The following LMBRD1 variants were observed in gnomAD, a reference collection of about 807,000 sequenced individuals.
The protein encoded by LMBRD1 is lysosomal cobalamin transport escort protein LMBD1.
In LMBRD1, 64 loss-of-function variants were observed where a neutral mutation model predicts 74.8. That is an observed-to-expected ratio of 0.86 (90% CI 0.70 to 1.05). The LOEUF is 1.05. Ranked by LOEUF, LMBRD1 falls within the 50% of genes least tolerant of loss-of-function variation. The pLI is 0.00. For synonymous variants in LMBRD1, 204 were observed against 216.3 expected (o/e 0.94, Z 0.50); for missense variants, 652 against 645.9 (o/e 1.01, Z -0.10).
Position 69,737,975 on chromosome 6 carries a change from G to A in LMBRD1, c.603C>T (p.Thr201=). 1 of 1,611,020 alleles carries A rather than the reference G, an allele frequency of 6.2e-7. No individual in the cohort carries two copies. The highest frequency in any genetic ancestry group is 1.1e-5 in the South Asian group (1 of 90,736). The change falls in exon 7 of 16, where the codon ACC becomes ACT. Residue 201 remains threonine (T), a synonymous_variant. Coordinates refer to ENST00000649934, the MANE Select transcript of LMBRD1 (RefSeq NM_018368.4). ...TTATAGCTGCCAACATTCCAATCAA[G>A]GTCAGAGAACTGATAGAAAATGACA... ...AALSFSISSL[T]LIGMLAAITY...
At chr6:69,706,267 A>G in intron 9 of LMBRD1, 2 of 242,400 alleles carry the variant, frequency 8.3e-6, no homozygotes, top group Admixed American at 5.0e-5. Flanking sequence ...ACTGATCTCT[A>G]TTTTAAAGGT....
At chr6:69,746,968 A>G (rs529385379) in intron 5 of LMBRD1, 1 of 150,802 alleles carries the variant, frequency 6.6e-6, no homozygotes, top group South Asian at 2.1e-4. Flanking sequence ...CCCTGGACAC[A>G]GTTTCTGTGT....
At chr6:69,779,769 T>C (rs1465026565) in intron 3 of LMBRD1, among the ~76,000 whole-genome samples, 1 of 152,240 alleles carries the variant, frequency 6.6e-6, no homozygotes, top group Non-Finnish European at 1.5e-5. Flanking sequence ...ATATTATTTA[T>C]TCCTGTTGTA....
chr6:69,710,210 C>A (rs1292201014), intron 9 of LMBRD1, among the ~76,000 whole-genome samples: 1 of 151,936 alleles, frequency 6.6e-6, no homozygotes, highest in Non-Finnish European at 1.5e-5. Flanking sequence ...ACTTACACTA[C>A]AATCAATTTA....
chr6:69,777,737 T>C (rs529563673), intron 3 of LMBRD1, among the ~76,000 whole-genome samples: 1 of 151,706 alleles, frequency 6.6e-6, no homozygotes, highest in East Asian at 1.9e-4. Context: ...ATTTTGAATG[T>C]AAAAGTCTTA....
intron 8 of LMBRD1, among the ~76,000 whole-genome samples, chr6:69,717,420 T>G (rs1395120628): frequency 6.6e-6 from 1 of 152,216 alleles, no homozygotes; most frequent in Non-Finnish European, 1.5e-5. Context: ...GTTTCTATTC[T>G]TTCACTATTA....
intron 9 of LMBRD1, among the ~76,000 whole-genome samples, chr6:69,707,977 T>C (rs747511772): frequency 1.3e-5 from 2 of 152,128 alleles, no homozygotes; most frequent in Non-Finnish European, 2.9e-5. Context: ...GCATATATAT[T>C]TTACCACAAT....
rs992324152 is a variant in LMBRD1 at position 69,682,019 on chromosome 6, A to T, written c.1418-5478T>A. 5.3e-5 allele frequency among the ~76,000 whole-genome samples: 8 copies of T among 151,928 alleles called. No homozygotes were observed. The South Asian group carries it at 1.7e-3, about 31-fold the overall frequency. On this transcript the variant is annotated intron_variant, in intron 14 of 15. Coordinates refer to ENST00000649934, the MANE Select transcript of LMBRD1 (RefSeq NM_018368.4). The stretch of plus-strand genomic sequence containing the variant: ...ATGAGCTCAGGGATGGGAAGAAAAA[A>T]GTTGGGATCTGTGAGATTTTTAGGA...
chr6:69,744,454 C>G (rs1767174517), intron 5 of LMBRD1, among the ~76,000 whole-genome samples: 1 of 152,162 alleles, frequency 6.6e-6, no homozygotes, highest in Admixed American at 6.5e-5. Flanking sequence ...TTCCCTCATG[C>G]CCTTGAAAAT....
intron 3 of LMBRD1, among the ~76,000 whole-genome samples, chr6:69,779,140 T>C (rs1388040904): frequency 6.9e-6 from 1 of 145,384 alleles, no homozygotes; most frequent in Non-Finnish European, 1.5e-5. Flanking sequence ...GAGCCGAGAC[T>C]GTGCCACTGC....
At position 69,764,220 on chromosome 6, in the gene LMBRD1, T is replaced by C. The variant is rs565033485; in HGVS notation, c.308-11864A>G. 5.9e-5 allele frequency among the ~76,000 whole-genome samples: 9 copies of C among 152,192 alleles called. No homozygotes were observed. The East Asian group carries it at 1.7e-3, about 29-fold the overall frequency. On this transcript the variant is annotated intron_variant, in intron 3 of 15. Transcript: ENST00000649934. The stretch of plus-strand genomic sequence containing the variant: ...GTGATAGTACTTGGAGATGAGGCCT[T>C]TGGGAGGTAATTAGGTTCAGATGAG...
intron 4 of LMBRD1, 92 bp from the exon 5 acceptor site, chr6:69,749,500 A>T: frequency 1.1e-6 from 1 of 949,618 alleles, no homozygotes; most frequent in Non-Finnish European, 1.7e-6. Context: ...TTCACATCAG[A>T]TACATGCTTA....
rs150831620 is a variant in LMBRD1 at position 69,790,441 on chromosome 6, C to G, written c.101G>C (p.Arg34Pro). ...ACTTTCCCGCCGACTTTGGTATTTA[C>G]GAACATATATCCAGCAGAATGCCAA... ...AILAFCWIYV[R>P]KYQSRRESEV... The change falls in exon 2 of 16, where the codon CGT becomes CCT. Residue 34 changes from arginine to proline, a missense_variant. By Grantham distance (103) the Arg-to-Pro change is moderately radical. Around this residue, in one of 3 missense-constraint regions of LMBRD1, gnomAD observed 598 missense variants for 581.8 expected, o/e 1.03. Transcript: ENST00000649934. 3.1e-6 allele frequency: 5 copies of G among 1,613,908 alleles called. No homozygotes were observed. Among genetic ancestry groups the G allele is most frequent in the Non-Finnish European group, 4.2e-6 (5 of 1,179,918 alleles).
intron 3 of LMBRD1, among the ~76,000 whole-genome samples, chr6:69,773,923 C>G (rs895211338): frequency 6.6e-6 from 1 of 152,146 alleles, no homozygotes; most frequent in Non-Finnish European, 1.5e-5. Context: ...TAATGTTACA[C>G]ACTGAAGAAG....
Position 69,675,531 on chromosome 6 carries a change from A to G in LMBRD1, c.*627T>C, listed in dbSNP as rs552699845. On this transcript the variant is annotated 3_prime_UTR_variant, in exon 16 of 16. Transcript: ENST00000649934. ...ATGCAAAACAAAAGCTACCTATAACAATATGTATGCCTTAAATACTGTAGA... is the reference window on the plus strand; with the variant it reads ...ATGCAAAACAAAAGCTACCTATAACGATATGTATGCCTTAAATACTGTAGA... Among the ~76,000 whole-genome samples the G allele has an allele frequency of 1.3e-5, 2 of 152,304 alleles. No individual in the cohort carries two copies. Among genetic ancestry groups the G allele is most frequent in the African/African-American group, 4.8e-5 (2 of 41,584 alleles).
At position 69,690,233 on chromosome 6, in the gene LMBRD1, C is replaced by T. The variant is rs74608834; in HGVS notation, c.1417+7330G>A. Among the ~76,000 whole-genome samples, 606 of 152,164 alleles carry T rather than the reference C, an allele frequency of 4.0e-3. 12 individuals are homozygous for T. Among genetic ancestry groups the T allele is most frequent in the African/African-American group, 0.014 (590 of 41,518 alleles). On this transcript the variant is annotated intron_variant, in intron 14 of 15. Transcript: ENST00000649934. Reference sequence around the variant, plus strand: ...GTTCTCATCCAGTCTCACAACTTTACTTCCCATCTATCCCTGACTAATCCA... The same window carrying T: ...GTTCTCATCCAGTCTCACAACTTTATTTCCCATCTATCCCTGACTAATCCA...
chr6:69,699,821 T>C (rs906177369), intron 12 of LMBRD1, among the ~76,000 whole-genome samples: 1 of 151,846 alleles, frequency 6.6e-6, no homozygotes, highest in Non-Finnish European at 1.5e-5. Context: ...AATTGTACTA[T>C]TGTAGTACAG....
Position 69,737,973 on chromosome 6 carries a change from A to G in LMBRD1, c.605T>C (p.Leu202Ser). Residue 202 changes from leucine to serine, a missense_variant, in exon 7 of 16, where the codon TTG becomes TCG. By Grantham distance (145) the Leu-to-Ser change is moderately radical. Around this residue, in one of 3 missense-constraint regions of LMBRD1, gnomAD observed 598 missense variants for 581.8 expected, o/e 1.03. Coordinates refer to ENST00000649934, the MANE Select transcript of LMBRD1 (RefSeq NM_018368.4). ...ALSFSISSLT[L>S]IGMLAAITYT... The stretch of plus-strand genomic sequence containing the variant: ...AGTTATAGCTGCCAACATTCCAATC[A>G]AGGTCAGAGAACTGATAGAAAATGA... 6.2e-7 allele frequency: 1 copy of G among 1,611,306 alleles called. No homozygotes were observed. The highest frequency in any genetic ancestry group is 8.5e-7 in the Non-Finnish European group (1 of 1,178,324).
At chr6:69,758,052 CA>C (rs1212418525) in intron 3 of LMBRD1, among the ~76,000 whole-genome samples, 1 of 151,974 alleles carries the variant, frequency 6.6e-6, no homozygotes. Context: ...AAAACTGTAC[CA>C]AAGAATACAT....
Sources: gnomAD v4.1 joint callset for allele counts (sites outside exome capture counted in the v4.1 genomes callset) on GRCh38, gnomAD v4.1.1 for gene constraint, gnomAD v4.1.1 regional missense constraint, MANE v1.5 for transcripts, NCBI Gene and HGNC (gene_info 2026-07-23, HGNC 2026-07-21) for gene names.